Variants in CNTNAP2 observed in about 807,000 individuals in gnomAD.
CNTNAP2 encodes contactin-associated protein-like 2.
CNTNAP2 carries 98 observed loss-of-function variants against 155.2 expected under a neutral mutation model. The observed-to-expected ratio is 0.63, with a 90% CI of 0.54 to 0.75. CNTNAP2 has a LOEUF of 0.75. Ranked by LOEUF, CNTNAP2 falls within the 30% of genes least tolerant of loss-of-function variation. CNTNAP2 has a pLI of 0.00. For missense variants in CNTNAP2, 1,727 were observed against 1,688.1 expected, an observed-to-expected ratio of 1.02 and a Z score of -0.40; for synonymous variants, 651 against 631.2, an observed-to-expected ratio of 1.03 and a Z score of -0.47.
chr7:146,938,863 A>T (rs1023362311), intron 3 of CNTNAP2, among the ~76,000 whole-genome samples: 8 of 152,130 alleles, frequency 5.3e-5, no homozygotes, highest in African/African-American at 1.9e-4. Flanking sequence ...CAAGCCAAGC[A>T]TTAGATATTG....
rs544609335 is a variant in CNTNAP2, at chr7:148,098,944, C to T, written c.2384-19174C>T. Among the ~76,000 whole-genome samples the T allele has an allele frequency of 7.9e-5, 12 of 152,248 alleles. No homozygotes were observed. The South Asian group carries it at 1.9e-3, about 24-fold the overall frequency. On this transcript the variant is annotated intron_variant, in intron 15 of 23. Transcript: ENST00000361727. ...AATAAAAGGCTCAGGATGACACAGC[C>T]GCATCAACATCCAGTGTTTATTGGC...
intron 13 of CNTNAP2, among the ~76,000 whole-genome samples, chr7:147,697,940 T>G (rs958589654): frequency 1.4e-4 from 21 of 152,178 alleles, no homozygotes; most frequent in African/African-American, 4.3e-4. Flanking sequence ...GAGGACCCCC[T>G]ATGACTGAGT....
chr7:147,979,392 A>G (rs1029705497), intron 15 of CNTNAP2, among the ~76,000 whole-genome samples: 2 of 152,232 alleles, frequency 1.3e-5, no homozygotes, highest in African/African-American at 4.8e-5. Flanking sequence ...GAAATGAAAT[A>G]CAGTGTTGCT....
chr7:146,977,945 A>C (rs1797943758), intron 3 of CNTNAP2, among the ~76,000 whole-genome samples: 1 of 152,162 alleles, frequency 6.6e-6, no homozygotes, highest in Non-Finnish European at 1.5e-5. Flanking sequence ...AAAGGGATTG[A>C]AGACTGTGTA....
intron 15 of CNTNAP2, among the ~76,000 whole-genome samples, chr7:148,106,441 T>A (rs1165561731): frequency 6.7e-6 from 1 of 149,070 alleles, no homozygotes; most frequent in Non-Finnish European, 1.5e-5. Flanking sequence ...AAGTTGTCAT[T>A]CCCCAGAGTC....
intron 13 of CNTNAP2, among the ~76,000 whole-genome samples, chr7:147,801,367 G>T (rs1319612042): frequency 7.4e-6 from 1 of 134,772 alleles, no homozygotes; most frequent in Non-Finnish European, 1.6e-5. Context: ...GGTGTTTTTC[G>T]CAGAGGGGGA....
chr7:147,794,866 G>T (rs1458803927), intron 13 of CNTNAP2, among the ~76,000 whole-genome samples: 3 of 151,094 alleles, frequency 2.0e-5, no homozygotes, highest in African/African-American at 7.3e-5. Context: ...TGTTTAATTT[G>T]TTGGCATATA....
intron 1 of CNTNAP2, among the ~76,000 whole-genome samples, chr7:146,410,546 A>T (rs919687387): frequency 6.6e-6 from 1 of 152,064 alleles, no homozygotes; most frequent in Non-Finnish European, 1.5e-5. Context: ...CAGGCTTGTT[A>T]TATAGGTAAA....
chr7:146,288,930 G>T (rs965397604), intron 1 of CNTNAP2, among the ~76,000 whole-genome samples: 1 of 150,312 alleles, frequency 6.7e-6, no homozygotes, highest in Non-Finnish European at 1.5e-5. Flanking sequence ...TCAGCCTCTG[G>T]AGTAGCTGGG....
intron 12 of CNTNAP2, among the ~76,000 whole-genome samples, chr7:147,623,040 A>T (rs1473425919): frequency 6.6e-6 from 1 of 152,114 alleles, no homozygotes; most frequent in African/African-American, 2.4e-5. Flanking sequence ...TCTTAGACAC[A>T]TACAACCTAG....
chr7:146,855,532 G>A (rs1048426567), intron 3 of CNTNAP2, among the ~76,000 whole-genome samples: 8 of 151,994 alleles, frequency 5.3e-5, no homozygotes, highest in African/African-American at 1.9e-4. Context: ...TTGACATGGG[G>A]TGGATTTGCT....
chr7:146,663,293 A>AAG (rs1800126565), intron 1 of CNTNAP2, among the ~76,000 whole-genome samples: 3 of 97,924 alleles, frequency 3.1e-5, no homozygotes, highest in African/African-American at 9.2e-5. Flanking sequence ...AAAAAAAAAA[A>AAG]AAAAAGAAAG....
At chr7:147,088,143 T>G (rs1800320510) in intron 4 of CNTNAP2, among the ~76,000 whole-genome samples, 1 of 152,218 alleles carries the variant, frequency 6.6e-6, no homozygotes, top group Non-Finnish European at 1.5e-5. Flanking sequence ...TTCATTTTCC[T>G]AATTCACATT....
intron 3 of CNTNAP2, among the ~76,000 whole-genome samples, chr7:146,919,529 G>A (rs1193921894): frequency 6.6e-6 from 1 of 152,186 alleles, no homozygotes; most frequent in Non-Finnish European, 1.5e-5. Context: ...ACAGTCCTGT[G>A]ATGTGATCCA....
At chr7:147,636,186 A>G (rs1391818261) in intron 12 of CNTNAP2, among the ~76,000 whole-genome samples, 2 of 152,208 alleles carry the variant, frequency 1.3e-5, no homozygotes, top group Non-Finnish European at 2.9e-5. Context: ...TTTATTCTAC[A>G]GAAAATATAT....
intron 8 of CNTNAP2, among the ~76,000 whole-genome samples, chr7:147,223,496 G>A (rs1803452139): frequency 6.6e-6 from 1 of 152,162 alleles, no homozygotes; most frequent in South Asian, 2.1e-4. Flanking sequence ...AAAGCAGCCT[G>A]TCCTCGGCTT....
chr7:147,399,588 TG>T (rs1399207046), intron 10 of CNTNAP2, among the ~76,000 whole-genome samples: 4 of 152,116 alleles, frequency 2.6e-5, no homozygotes, highest in Middle Eastern at 3.2e-3. Context: ...GAAGACTAGT[TG>T]TAGAGAAAAT....
chr7:147,874,496 A>G (rs1049883662), intron 13 of CNTNAP2, among the ~76,000 whole-genome samples: 2 of 152,220 alleles, frequency 1.3e-5, no homozygotes, highest in African/African-American at 4.8e-5. Flanking sequence ...CCATGGCTGG[A>G]GCAGCTTGGA....
chr7:147,294,906 C>T lies in CNTNAP2; in HGVS notation c.1349-5235C>T, dbSNP rs150493486. Among the ~76,000 whole-genome samples, 1,198 of 152,132 alleles carry T rather than the reference C, an allele frequency of 7.9e-3. 8 individuals carry two copies. Among genetic ancestry groups the T allele is most frequent in the Middle Eastern group, 0.017 (5 of 294 alleles). On this transcript the variant is annotated intron_variant, in intron 8 of 23. Coordinates refer to ENST00000361727, the MANE Select transcript of CNTNAP2 (RefSeq NM_014141.6). Reference sequence around the variant, plus strand: ...AACTCCTGACCTCAGGTAATCCACCCGCCTCGGCCTCCCATAGTGCTGGGA... The same window carrying T: ...AACTCCTGACCTCAGGTAATCCACCTGCCTCGGCCTCCCATAGTGCTGGGA...
Sources: gnomAD v4.1 joint callset for allele counts (sites outside exome capture counted in the v4.1 genomes callset) on GRCh38, gnomAD v4.1.1 for gene constraint, MANE v1.5 for transcripts, NCBI Gene and HGNC (gene_info 2026-07-23, HGNC 2026-07-21) for gene names.